GIGYF2: variants seen among roughly 807,000 people sequenced by gnomAD.
The protein encoded by GIGYF2 is GRB10 interacting GYF protein 2.
A neutral mutation model predicts 208.1 loss-of-function variants in GIGYF2; 25 were observed. The observed-to-expected ratio is 0.12, with a 90% CI of 0.09 to 0.17. GIGYF2 has a LOEUF of 0.17. Among genes scored for constraint, GIGYF2 ranks in the 10% least tolerant of loss-of-function variants. The pLI is 1.00. For synonymous variants in GIGYF2, 534 were observed against 543.8 expected, an observed-to-expected ratio of 0.98 and a Z score of 0.25; for missense variants, 1,302 against 1,579.4, an observed-to-expected ratio of 0.82 and a Z score of 2.98.
At position 232,849,497 on chromosome 2, in the gene GIGYF2, C is replaced by T. The variant is rs542793490; in HGVS notation, c.3685-765C>T. Among the ~76,000 whole-genome samples, 8 of 152,290 alleles carry T rather than the reference C, an allele frequency of 5.3e-5. No homozygotes were observed. In the East Asian group the frequency reaches 1.5e-3, roughly 29 times the overall value. On this transcript the variant is annotated intron_variant, in intron 27 of 28. Coordinates refer to ENST00000373563, the MANE Select transcript of GIGYF2 (RefSeq NM_001103146.3). ...AATATTTTAAGGAGAAGGCATCATA[C>T]AGCAATATAGAAGGCTCTTTGCATT...
chr2:232,820,266 C>G (rs1701036027), intron 21 of GIGYF2, among the ~76,000 whole-genome samples: 1 of 151,060 alleles, frequency 6.6e-6, no homozygotes, highest in African/African-American at 2.4e-5. Flanking sequence ...AAGTTTCAAA[C>G]TAAAGCGGAA....
chr2:232,776,529 A>C, intron 8 of GIGYF2: 1 of 996,200 alleles, frequency 1.0e-6, no homozygotes, highest in Non-Finnish European at 1.6e-6. Context: ...GATAATTTTA[A>C]TCTACAAGTC....
At chr2:232,783,821 G>A (rs1029132774) in intron 8 of GIGYF2, among the ~76,000 whole-genome samples, 1 of 152,136 alleles carries the variant, frequency 6.6e-6, no homozygotes, top group African/African-American at 2.4e-5. Context: ...GAGTAGCTGG[G>A]ATTGCAGGCA....
At position 232,832,553 on chromosome 2, in the gene GIGYF2, C is replaced by T. The variant is rs550343282; in HGVS notation, c.2530-304C>T. ...GGCCTGCTCACCTCACATGTTGGAG[C>T]AGTGTTTCCAGGAGACTTTCCTGTA... On this transcript the variant is annotated intron_variant, in intron 21 of 28. Transcript: ENST00000373563. Among the ~76,000 whole-genome samples, 3 of 152,342 alleles carry T rather than the reference C, an allele frequency of 2.0e-5. No homozygotes were observed. In the East Asian group the frequency reaches 5.8e-4, roughly 29 times the overall value.
At chr2:232,760,680 G>C in intron 7 of GIGYF2, 89 bp downstream of exon 7, 1 of 783,102 alleles carries the variant, frequency 1.3e-6, no homozygotes, top group Non-Finnish European at 2.2e-6. Flanking sequence ...TTTTTGTACA[G>C]TTAAAGGGTT....
intron 14 of GIGYF2, 121 bp downstream of exon 14, chr2:232,796,342 G>A (rs1019626860): frequency 3.0e-5 from 22 of 735,034 alleles, no homozygotes; most frequent in Non-Finnish European, 3.7e-5. Flanking sequence ...ACACACGCGC[G>A]CACACACGCA....
intron 21 of GIGYF2, among the ~76,000 whole-genome samples, chr2:232,821,131 A>G (rs1005725627): frequency 1.2e-4 from 19 of 152,154 alleles, no homozygotes; most frequent in African/African-American, 4.3e-4. Flanking sequence ...CTTTCTTGAC[A>G]GTGTTCTTTG....
At chr2:232,737,796 TA>T (rs1697796528) in intron 3 of GIGYF2, among the ~76,000 whole-genome samples, 2 of 151,742 alleles carry the variant, frequency 1.3e-5, no homozygotes, top group African/African-American at 4.8e-5. Context: ...ACATGTTCAA[TA>T]AGGGATACTT....
intron 22 of GIGYF2, among the ~76,000 whole-genome samples, chr2:232,835,029 C>T (rs141608186): frequency 1.4e-4 from 22 of 152,224 alleles, no homozygotes; most frequent in African/African-American, 5.3e-4. Context: ...CTCCAGTGTC[C>T]ATTATTCCAC....
At position 232,844,563 on chromosome 2, in the gene GIGYF2, C is replaced by T. The variant is rs749783620; in HGVS notation, c.3294C>T (p.Asn1098=). 2.2e-5 allele frequency: 35 copies of T among 1,610,964 alleles called. No individual in the cohort carries two copies. The highest frequency in any genetic ancestry group is 3.3e-4 in the Middle Eastern group (2 of 6,076). Residue 1098 remains asparagine (N), a synonymous_variant, in exon 25 of 29, where the codon AAC becomes AAT. Transcript: ENST00000373563. The stretch of plus-strand genomic sequence containing the variant: ...ATTCAACAAATAAAAATAAAAACAA[C>T]GCCAGTCTCAGGTAGGGCTCAAAAT... ...PRNSTNKNKN[N]ASLSKSVGVS... is the part of the protein sequence containing the mutation.
chr2:232,804,177 C>G (rs1700484749), intron 14 of GIGYF2, among the ~76,000 whole-genome samples: 1 of 152,044 alleles, frequency 6.6e-6, no homozygotes, highest in Admixed American at 6.6e-5. Context: ...TCCGTATTTA[C>G]TAAAAATCTT....
intron 14 of GIGYF2, among the ~76,000 whole-genome samples, chr2:232,800,876 C>A (rs576588372): frequency 1.2e-4 from 18 of 152,056 alleles, no homozygotes; most frequent in African/African-American, 3.9e-4. Context: ...CATAGTGAGA[C>A]CCTGTCTCTC....
rs1380090493 is a variant in GIGYF2, at chr2:232,739,658, C to CA, written c.41+4422dup. On this transcript the variant is annotated intron_variant, in intron 3 of 28. Coordinates refer to ENST00000373563, the MANE Select transcript of GIGYF2 (RefSeq NM_001103146.3). Reference sequence around the variant, plus strand: ...CTGCACTCCAGCCTGGGTGATAGAGCAAGACCCTGTCTCCCAAAAAGGAAA... The same window carrying CA: ...CTGCACTCCAGCCTGGGTGATAGAGCAAAGACCCTGTCTCCCAAAAAGGAAA... Among the ~76,000 whole-genome samples, 5 of 151,936 alleles carry CA rather than the reference C, an allele frequency of 3.3e-5. No homozygotes were observed. In the East Asian group the frequency reaches 9.7e-4, roughly 30 times the overall value.
At chr2:232,748,586 C>G (rs549299084) in intron 4 of GIGYF2, among the ~76,000 whole-genome samples, 30 of 152,238 alleles carry the variant, frequency 2.0e-4, no homozygotes, top group African/African-American at 7.2e-4. Context: ...TGCCCCACCT[C>G]CAGTATACTT....
intron 2 of GIGYF2, among the ~76,000 whole-genome samples, chr2:232,728,842 C>T (rs575680932): frequency 2.6e-4 from 39 of 152,322 alleles, no homozygotes; most frequent in Middle Eastern, 3.4e-3. Context: ...CAACAAAAAA[C>T]AGTCTACAGA....
intron 22 of GIGYF2, among the ~76,000 whole-genome samples, chr2:232,838,388 T>C (rs538290641): frequency 1.3e-5 from 2 of 152,026 alleles, no homozygotes; most frequent in African/African-American, 2.4e-5. Flanking sequence ...GGCACAGCAA[T>C]AGGAAGATTC....
At chr2:232,760,715 A>G (rs1559409641) in intron 7 of GIGYF2, 124 bp downstream of exon 7, 2 of 683,134 alleles carry the variant, frequency 2.9e-6, no homozygotes, top group South Asian at 1.6e-5. Context: ...GCTCTTAAGT[A>G]TTGAACATCA....
chr2:232,721,141 A>G (rs949747168), intron 2 of GIGYF2, among the ~76,000 whole-genome samples: 2 of 152,172 alleles, frequency 1.3e-5, no homozygotes, highest in African/African-American at 4.8e-5. Flanking sequence ...TCCTTCCTCA[A>G]AGGTTTGAGT....
At chr2:232,710,228 G>A (rs1298307882) in intron 2 of GIGYF2, among the ~76,000 whole-genome samples, 12 of 152,018 alleles carry the variant, frequency 7.9e-5, no homozygotes, top group Non-Finnish European at 1.2e-4. Context: ...CAAAGTGCTG[G>A]GATTACAGGT....
Sources: allele counts gnomAD v4.1 joint callset (sites outside exome capture counted in the v4.1 genomes callset), GRCh38; gene constraint gnomAD v4.1.1; transcripts MANE v1.5; gene names NCBI Gene and HGNC (gene_info 2026-07-23, HGNC 2026-07-21).